Variants in GPHN observed in about 807,000 individuals in gnomAD.
GPHN encodes gephyrin.
A neutral mutation model predicts 95.5 loss-of-function variants in GPHN; 17 were observed. The observed-to-expected ratio is 0.18, with a 90% CI of 0.12 to 0.27. The LOEUF is 0.27. Among genes scored for constraint, GPHN ranks in the 10% least tolerant of loss-of-function variants. The pLI is 1.00. For missense variants in GPHN, 660 were observed against 978.1 expected (o/e 0.67, Z 4.34); for synonymous variants, 320 against 322.5 (o/e 0.99, Z 0.08).
At chr14:66,750,188 T>C (rs908084903) in intron 2 of GPHN, among the ~76,000 whole-genome samples, 1 of 151,964 alleles carries the variant, frequency 6.6e-6, no homozygotes, top group Non-Finnish European at 1.5e-5. Flanking sequence ...AATATTCTTC[T>C]ATTCTAGGAG....
intron 6 of GPHN, 38 bp from the exon 7 acceptor site, chr14:66,922,628 G>T: frequency 2.6e-6 from 4 of 1,545,138 alleles, no homozygotes; most frequent in Non-Finnish European, 3.5e-6. Flanking sequence ...TTACAAAAGT[G>T]CTTCATCTTA....
chr14:67,281,140 G>T, the GPHN span, among the ~76,000 whole-genome samples: 1 of 151,678 alleles, frequency 6.6e-6, no homozygotes, highest in African/African-American at 2.4e-5. Context: ...CTCATGATCT[G>T]CCCTCCTTGA....
intron 2 of GPHN, among the ~76,000 whole-genome samples, chr14:66,736,798 G>C (rs1455104042): frequency 6.6e-6 from 1 of 152,100 alleles, no homozygotes; most frequent in Non-Finnish European, 1.5e-5. Flanking sequence ...TTCATTTTCT[G>C]TTAGCCTCTT....
chr14:66,697,172 T>C (rs1008997685), intron 2 of GPHN, among the ~76,000 whole-genome samples: 11 of 152,242 alleles, frequency 7.2e-5, no homozygotes, highest in Non-Finnish European at 1.2e-4. Flanking sequence ...TGTTGACTAC[T>C]GAGGCATTTT....
At chr14:66,809,861 C>T (rs2060690987) in intron 3 of GPHN, among the ~76,000 whole-genome samples, 1 of 152,082 alleles carries the variant, frequency 6.6e-6, no homozygotes, top group Non-Finnish European at 1.5e-5. Flanking sequence ...TTTCTCTCTA[C>T]TGTATTTGAT....
At chr14:67,475,422 G>C in the GPHN span, among the ~76,000 whole-genome samples, 1 of 152,154 alleles carries the variant, frequency 6.6e-6, no homozygotes, top group Admixed American at 6.5e-5. Context: ...GGAAATACTG[G>C]ATCATATGGT....
At chr14:67,035,431 A>C (rs1389068532) in intron 10 of GPHN, among the ~76,000 whole-genome samples, 1 of 151,742 alleles carries the variant, frequency 6.6e-6, no homozygotes, top group Non-Finnish European at 1.5e-5. Flanking sequence ...AAATACTAGG[A>C]AAAAAAGCAA....
the GPHN span, among the ~76,000 whole-genome samples, chr14:67,730,883 C>T: frequency 6.6e-6 from 1 of 152,072 alleles, no homozygotes; most frequent in Admixed American, 6.5e-5. Context: ...GGATTACAGG[C>T]GTGAGCCACC....
the GPHN span, chr14:67,678,098 T>C: frequency 2.1e-5 from 10 of 477,978 alleles, no homozygotes; most frequent in African/African-American, 1.4e-4. Context: ...ATGATATCTC[T>C]AGTAACTCTG....
intron 1 of GPHN, among the ~76,000 whole-genome samples, chr14:66,554,381 C>A (rs2059931852): frequency 6.6e-6 from 1 of 152,164 alleles, no homozygotes. Flanking sequence ...AAGGATACTA[C>A]CTGAGACTCG....
At chr14:66,611,178 G>A (rs2062763710) in intron 1 of GPHN, among the ~76,000 whole-genome samples, 1 of 152,056 alleles carries the variant, frequency 6.6e-6, no homozygotes, top group African/African-American at 2.4e-5. Context: ...GAATATGCAG[G>A]GGATTTTTTA....
the GPHN span, among the ~76,000 whole-genome samples, chr14:67,258,099 A>C: frequency 6.6e-6 from 1 of 151,892 alleles, no homozygotes; most frequent in Non-Finnish European, 1.5e-5. Flanking sequence ...TAAATATTCA[A>C]ATTTAATGCA....
chr14:66,773,159 C>G (rs950723556), intron 2 of GPHN, among the ~76,000 whole-genome samples: 1 of 152,116 alleles, frequency 6.6e-6, no homozygotes, highest in African/African-American at 2.4e-5. Context: ...TGCAATCGGG[C>G]AGACTTGTCC....
At chr14:67,647,068 A>G in the GPHN span, 1 of 1,237,304 alleles carries the variant, frequency 8.1e-7, no homozygotes, top group Non-Finnish European at 1.2e-6. Flanking sequence ...CCCAATGGGC[A>G]ACACACTTTT....
At chr14:66,810,676 G>C (rs1352639817) in intron 3 of GPHN, among the ~76,000 whole-genome samples, 1 of 152,062 alleles carries the variant, frequency 6.6e-6, no homozygotes, top group Non-Finnish European at 1.5e-5. Context: ...TTTCATAATA[G>C]TTTTATAATC....
chr14:67,177,264 TC>T (rs1378584200), intron 21 of GPHN, among the ~76,000 whole-genome samples: 1 of 152,246 alleles, frequency 6.6e-6, no homozygotes, highest in Non-Finnish European at 1.5e-5. Flanking sequence ...TCCCAAAGAT[TC>T]TGGTATGTCG....
chr14:66,733,026 T>C (rs974243558), intron 2 of GPHN, among the ~76,000 whole-genome samples: 8 of 152,134 alleles, frequency 5.3e-5, no homozygotes, highest in Non-Finnish European at 1.2e-4. Flanking sequence ...CCCACCCATA[T>C]CACATCTTGA....
chr14:66,581,702 G>C (rs998077583), intron 1 of GPHN, among the ~76,000 whole-genome samples: 7 of 151,852 alleles, frequency 4.6e-5, no homozygotes, highest in Admixed American at 3.9e-4. Context: ...GATAGAAGTA[G>C]ATAATCCATG....
the GPHN span, among the ~76,000 whole-genome samples, chr14:67,491,481 A>G: frequency 9.1e-4 from 139 of 152,310 alleles, no homozygotes; most frequent in Middle Eastern, 0.01. Flanking sequence ...CTTCATTAGC[A>G]TAAACTCAGG....
Sources: gnomAD v4.1 joint callset for allele counts (sites outside exome capture counted in the v4.1 genomes callset) on GRCh38, gnomAD v4.1.1 for gene constraint, MANE v1.5 for transcripts, NCBI Gene and HGNC (gene_info 2026-07-23, HGNC 2026-07-21) for gene names.